The following ATG10 variants were observed in gnomAD, a reference collection of about 807,000 sequenced individuals.
The protein encoded by ATG10 is autophagy related 10.
In ATG10, 30 loss-of-function variants were observed where a neutral mutation model predicts 32.1. That is an observed-to-expected ratio of 0.94 (90% confidence interval 0.70 to 1.27). The LOEUF is 1.27. Among genes scored for constraint, ATG10 ranks in the 50% most tolerant of loss-of-function variants. The pLI is 0.00. For synonymous variants in ATG10, 87 were observed against 91.5 expected, an observed-to-expected ratio of 0.95 and a Z score of 0.28; for missense variants, 233 against 262.3, an observed-to-expected ratio of 0.89 and a Z score of 0.77.
chr5:82,026,839 T>A (rs1305981979), intron 2 of ATG10, among the ~76,000 whole-genome samples: 1 of 151,994 alleles, frequency 6.6e-6, no homozygotes, highest in Non-Finnish European at 1.5e-5. Flanking sequence ...GGTGGGTGGA[T>A]CATGAGGTCA....
At chr5:82,139,122 A>G (rs1267626814) in intron 3 of ATG10, among the ~76,000 whole-genome samples, 3 of 145,412 alleles carry the variant, frequency 2.1e-5, no homozygotes, top group Non-Finnish European at 3.0e-5. Flanking sequence ...GGGATTGCAG[A>G]CGGAGTCTCG....
At chr5:82,171,158 T>A (rs1743793210) in intron 4 of ATG10, among the ~76,000 whole-genome samples, 2 of 152,174 alleles carry the variant, frequency 1.3e-5, no homozygotes, top group Non-Finnish European at 1.5e-5. Context: ...CTAGGTTAAG[T>A]GATTCACTTA....
intron 3 of ATG10, among the ~76,000 whole-genome samples, chr5:82,077,082 G>C (rs190796151): frequency 2.6e-5 from 4 of 152,208 alleles, no homozygotes; most frequent in Non-Finnish European, 5.9e-5. Flanking sequence ...CCAGCACTTT[G>C]GGAGTTCGAG....
chr5:82,023,231 C>T (rs1044366625), intron 2 of ATG10, among the ~76,000 whole-genome samples: 10 of 151,428 alleles, frequency 6.6e-5, no homozygotes, highest in African/African-American at 1.2e-4. Context: ...TTATATTAGG[C>T]GCTTAGATTT....
intron 5 of ATG10, among the ~76,000 whole-genome samples, chr5:82,179,625 T>C (rs938887306): frequency 1.2e-4 from 19 of 152,114 alleles, no homozygotes; most frequent in Non-Finnish European, 1.5e-4. Flanking sequence ...AGTAGTTATT[T>C]TGGAAATTTA....
At chr5:82,176,337 G>A (rs536874368) in intron 4 of ATG10, among the ~76,000 whole-genome samples, 8 of 152,264 alleles carry the variant, frequency 5.3e-5, no homozygotes, top group Admixed American at 2.6e-4. Context: ...GTCATGAACC[G>A]GCTGCATACT....
intron 5 of ATG10, among the ~76,000 whole-genome samples, chr5:82,239,823 A>C (rs1242083222): frequency 1.3e-5 from 2 of 152,122 alleles, no homozygotes; most frequent in Admixed American, 6.6e-5. Flanking sequence ...TACCAAAAAA[A>C]CCCCCAAATA....
chr5:82,031,506 G>A (rs549502019), intron 2 of ATG10, among the ~76,000 whole-genome samples: 68 of 152,312 alleles, frequency 4.5e-4, no homozygotes, highest in Non-Finnish European at 8.4e-4. Flanking sequence ...GTAGGGTTAA[G>A]TTTTCATTAA....
At chr5:82,251,002 G>A (rs1436641482) in intron 5 of ATG10, among the ~76,000 whole-genome samples, 1 of 152,224 alleles carries the variant, frequency 6.6e-6, no homozygotes, top group East Asian at 1.9e-4. Flanking sequence ...GGAAGCTGAT[G>A]CCTTGCTGGA....
chr5:82,124,099 G>A (rs544629598), intron 3 of ATG10, among the ~76,000 whole-genome samples: 49 of 142,532 alleles, frequency 3.4e-4, no homozygotes, highest in African/African-American at 1.1e-3. Flanking sequence ...TTGAGATGGA[G>A]TCTCGCTCTG....
chr5:82,044,714 A>G (rs1018464283), intron 2 of ATG10, among the ~76,000 whole-genome samples: 2 of 152,206 alleles, frequency 1.3e-5, no homozygotes, highest in African/African-American at 2.4e-5. Flanking sequence ...GATACTACTC[A>G]TTGCTGTGCA....
intron 5 of ATG10, among the ~76,000 whole-genome samples, chr5:82,239,703 A>G (rs1458913986): frequency 2.0e-5 from 3 of 152,198 alleles, no homozygotes; most frequent in Non-Finnish European, 4.4e-5. Context: ...TGCACAGCAA[A>G]GGAAAGATCA....
At chr5:82,152,190 G>A (rs1043847999) in intron 3 of ATG10, among the ~76,000 whole-genome samples, 23 of 152,318 alleles carry the variant, frequency 1.5e-4, no homozygotes, top group Non-Finnish European at 3.2e-4. Context: ...GGAACCCAGG[G>A]CTCTTTGACT....
rs749915378 is a variant in ATG10 at position 82,255,948 on chromosome 5, T to C, written c.*1885T>C. On this transcript the variant is annotated 3_prime_UTR_variant, in exon 8 of 8. Coordinates refer to ENST00000282185, the MANE Select transcript of ATG10 (RefSeq NM_031482.5). ...AAATTTTAAAATGCTGAGCTGCCCA[T>C]ATTCATGCTAGGATGAGAGCCGGCT... 2 of 152,238 alleles carry C rather than the reference T, an allele frequency of 1.3e-5. No homozygotes were observed. The highest frequency in any genetic ancestry group is 2.9e-5 in the Non-Finnish European group (2 of 68,036). 9.4% of individuals were successfully genotyped at this position (152,238 alleles called of 1,614,324 possible). A position where few individuals can be genotyped will look rare whatever the true frequency, so the allele number is the denominator to read the frequency against.
intron 3 of ATG10, among the ~76,000 whole-genome samples, chr5:82,158,644 G>T (rs538505281): frequency 6.6e-6 from 1 of 152,026 alleles, no homozygotes; most frequent in Non-Finnish European, 1.5e-5. Context: ...TATCCTCAGG[G>T]TGGGGGGGTT....
chr5:82,177,129 G>C (rs1406706155), intron 4 of ATG10, among the ~76,000 whole-genome samples: 1 of 152,088 alleles, frequency 6.6e-6, no homozygotes, highest in East Asian at 1.9e-4. Flanking sequence ...GATATTTATT[G>C]AGCTCTTATT....
intron 5 of ATG10, among the ~76,000 whole-genome samples, chr5:82,224,614 G>A (rs1746047452): frequency 3.9e-5 from 6 of 152,184 alleles, no homozygotes; most frequent in Admixed American, 3.9e-4. Context: ...AGGCTGGAGG[G>A]AAAGAGATGC....
At chr5:82,222,049 A>G (rs1362784563) in intron 5 of ATG10, among the ~76,000 whole-genome samples, 1 of 152,236 alleles carries the variant, frequency 6.6e-6, no homozygotes, top group Non-Finnish European at 1.5e-5. Context: ...AAGAAACAGA[A>G]GTTAGAGAAA....
intron 2 of ATG10, among the ~76,000 whole-genome samples, chr5:82,023,999 C>A (rs1196890328): frequency 1.3e-5 from 2 of 152,160 alleles, no homozygotes; most frequent in African/African-American, 4.8e-5. Flanking sequence ...ATTTAAATGG[C>A]TGTTTATTAT....
Sources: allele counts gnomAD v4.1 joint callset (sites outside exome capture counted in the v4.1 genomes callset), GRCh38; gene constraint gnomAD v4.1.1; transcripts MANE v1.5; gene names NCBI Gene and HGNC (gene_info 2026-07-23, HGNC 2026-07-21).